The following MARCHF1 variants were observed in gnomAD, a reference collection of about 807,000 sequenced individuals.
MARCHF1 encodes the protein E3 ubiquitin-protein ligase MARCHF1.
Under a neutral mutation model 54.2 loss-of-function variants are expected in MARCHF1, and 40 were observed. The observed-to-expected ratio is 0.74, with a 90% CI of 0.57 to 0.96. The LOEUF (loss-of-function observed/expected upper bound fraction) is 0.96, where lower values mean the gene tolerates loss of function less well. Among genes scored for constraint, MARCHF1 ranks in the 40% least tolerant of loss-of-function variants. The pLI, the probability that MARCHF1 is intolerant of heterozygous loss-of-function variation, is 0.00. For synonymous variants in MARCHF1, 236 were observed against 236.3 expected, an observed-to-expected ratio of 1.00 and a Z score of 0.01; for missense variants, 586 against 656.5, an observed-to-expected ratio of 0.89 and a Z score of 1.17.
At chr4:164,234,372 G>C (rs1377897701) in intron 1 of MARCHF1, among the ~76,000 whole-genome samples, 1 of 152,026 alleles carries the variant, frequency 6.6e-6, no homozygotes, top group Non-Finnish European at 1.5e-5. Context: ...ACTTATCTAC[G>C]ATTTATTTTG....
chr4:163,866,514 AATAAT>A (rs1354079640), intron 3 of MARCHF1, among the ~76,000 whole-genome samples: 20 of 137,692 alleles, frequency 1.5e-4, no homozygotes, highest in African/African-American at 3.5e-4. Context: ...TAATATATAT[AATAAT>A]ATATTATGAA....
intron 1 of MARCHF1, among the ~76,000 whole-genome samples, chr4:164,115,110 T>G (rs1355594985): frequency 6.6e-6 from 1 of 151,990 alleles, no homozygotes; most frequent in Non-Finnish European, 1.5e-5. Context: ...AGTTTGAGGG[T>G]GGTTATTTTA....
intron 4 of MARCHF1, among the ~76,000 whole-genome samples, chr4:163,742,416 T>G (rs1407480675): frequency 7.3e-6 from 1 of 137,376 alleles, no homozygotes; most frequent in Non-Finnish European, 1.6e-5. Flanking sequence ...CCTTCCTTCC[T>G]TCCTTCCTTC....
rs1230308536 is a variant in MARCHF1 at position 164,102,981 on chromosome 4, C to A, written c.-248+8607G>T. Among the ~76,000 whole-genome samples, 870 of 130,006 alleles carry A rather than the reference C, an allele frequency of 6.7e-3. 4 individuals are homozygous for A. The highest frequency in any genetic ancestry group is 8.4e-3 in the Non-Finnish European group (510 of 60,800). 85.3% of individuals were successfully genotyped at this position (130,006 alleles called of 152,430 possible). A position where few individuals can be genotyped will look rare whatever the true frequency, so the allele number is the denominator to read the frequency against. ...GTTGCAAACCTAGTCTCTGATAAAACAGACTTTAAACCAACAAAGATCAAA... is the reference window on the plus strand; with the variant it reads ...GTTGCAAACCTAGTCTCTGATAAAAAAGACTTTAAACCAACAAAGATCAAA... On this transcript the variant is annotated intron_variant, in intron 2 of 9. Transcript: ENST00000514618.
chr4:164,362,651 A>C (rs1730755782), intron 1 of MARCHF1, among the ~76,000 whole-genome samples: 1 of 152,144 alleles, frequency 6.6e-6, no homozygotes, highest in Admixed American at 6.6e-5. Flanking sequence ...TTAAAACTTA[A>C]ATAGTGATCT....
chr4:163,807,659 G>T (rs1748263323), intron 4 of MARCHF1, among the ~76,000 whole-genome samples: 1 of 151,994 alleles, frequency 6.6e-6, no homozygotes, highest in Admixed American at 6.6e-5. Context: ...TTATAAATAT[G>T]CATCTGTTTC....
chr4:163,935,653 A>G (rs1364216347), intron 3 of MARCHF1, among the ~76,000 whole-genome samples: 1 of 150,812 alleles, frequency 6.6e-6, no homozygotes, highest in Non-Finnish European at 1.5e-5. Flanking sequence ...TTCTAACCAG[A>G]CCACTAAAAC....
At chr4:164,179,894 T>C (rs1027332467) in intron 1 of MARCHF1, among the ~76,000 whole-genome samples, 3 of 150,866 alleles carry the variant, frequency 2.0e-5, no homozygotes, top group African/African-American at 7.3e-5. Context: ...TGTTAATAAT[T>C]TCCAGAGGGA....
intron 1 of MARCHF1, among the ~76,000 whole-genome samples, chr4:164,348,690 T>C (rs1202028248): frequency 6.6e-6 from 1 of 152,128 alleles, no homozygotes; most frequent in African/African-American, 2.4e-5. Context: ...TAATAACAAG[T>C]AAGCATTATG....
intron 1 of MARCHF1, among the ~76,000 whole-genome samples, chr4:164,333,139 A>C (rs566329932): frequency 2.0e-5 from 3 of 152,310 alleles, no homozygotes; most frequent in Admixed American, 1.3e-4. Flanking sequence ...GCTGAGTGAC[A>C]GAAACATGGG....
intron 2 of MARCHF1, among the ~76,000 whole-genome samples, chr4:164,097,699 CT>C (rs1424189017): frequency 1.3e-4 from 20 of 152,124 alleles, no homozygotes. Context: ...ACTTATGGCA[CT>C]ATGGTGACTC....
intron 4 of MARCHF1, among the ~76,000 whole-genome samples, chr4:163,777,412 T>C (rs1389184725): frequency 3.3e-5 from 5 of 152,198 alleles, no homozygotes. Context: ...TAAAGTCCCT[T>C]GTGACTTTTG....
At chr4:164,262,316 C>G (rs756567264) in intron 1 of MARCHF1, among the ~76,000 whole-genome samples, 9 of 152,064 alleles carry the variant, frequency 5.9e-5, no homozygotes, top group African/African-American at 9.7e-5. Context: ...GGATGCTTCT[C>G]CATCATTTCC....
chr4:163,905,277 T>C (rs2111319089), intron 3 of MARCHF1, among the ~76,000 whole-genome samples: 1 of 152,138 alleles, frequency 6.6e-6, no homozygotes, highest in South Asian at 2.1e-4. Context: ...TTCAATTCCA[T>C]TCAACAAATA....
At chr4:163,754,794 A>T (rs1262959388) in intron 4 of MARCHF1, among the ~76,000 whole-genome samples, 4 of 152,120 alleles carry the variant, frequency 2.6e-5, no homozygotes, top group African/African-American at 7.2e-5. Flanking sequence ...GTTCAAAAGC[A>T]TTGAGATTAG....
chr4:164,144,625 A>C (rs1448488104), intron 1 of MARCHF1, among the ~76,000 whole-genome samples: 3 of 139,552 alleles, frequency 2.1e-5, no homozygotes, highest in Non-Finnish European at 3.0e-5. Flanking sequence ...GAAACCAACG[A>C]GAACAAAGAC....
chr4:164,012,793 T>A (rs888218844), intron 2 of MARCHF1, among the ~76,000 whole-genome samples: 1 of 152,074 alleles, frequency 6.6e-6, no homozygotes, highest in African/African-American at 2.4e-5. Flanking sequence ...GCAGTGTCTA[T>A]AGGAGGCGAC....
intron 8 of MARCHF1, among the ~76,000 whole-genome samples, chr4:163,578,022 A>AGT (rs750002077): frequency 1.2e-3 from 175 of 150,864 alleles, no homozygotes; most frequent in African/African-American, 2.4e-3. Flanking sequence ...TTTAGTTGTA[A>AGT]GTGTGTGTGT....
At chr4:163,778,294 G>A (rs1747361749) in intron 4 of MARCHF1, among the ~76,000 whole-genome samples, 1 of 152,098 alleles carries the variant, frequency 6.6e-6, no homozygotes, top group Non-Finnish European at 1.5e-5. Context: ...GAGACAAATT[G>A]GTGCATTATG....
Sources: gnomAD v4.1 joint callset for allele counts (sites outside exome capture counted in the v4.1 genomes callset) on GRCh38, gnomAD v4.1.1 for gene constraint, MANE v1.5 for transcripts, NCBI Gene and HGNC (gene_info 2026-07-23, HGNC 2026-07-21) for gene names.